CCL17: variants seen among roughly 807,000 people sequenced by gnomAD.
CCL17 encodes the protein C-C motif chemokine 17.
A neutral mutation model predicts 7.4 loss-of-function variants in CCL17; 8 were observed. That is an observed-to-expected ratio of 1.09 (90% CI 0.64 to 1.96). The LOEUF is 1.96. Ranked by LOEUF, CCL17 falls within the 30% of genes most tolerant of loss-of-function variation. The probability of loss-of-function intolerance (pLI) is 0.00; values close to 1 mark genes in which losing one functional copy is unlikely to be tolerated. For missense variants in CCL17, 102 were observed against 113.0 expected, an observed-to-expected ratio of 0.90 and a Z score of 0.44; for synonymous variants, 40 against 46.1, an observed-to-expected ratio of 0.87 and a Z score of 0.54.
chr16:57,409,194 G>C (rs1395203591), intron 1 of CCL17, among the ~76,000 whole-genome samples: 2 of 152,186 alleles, frequency 1.3e-5, no homozygotes, highest in Non-Finnish European at 2.9e-5. Flanking sequence ...GGGACATAGA[G>C]GAAGGAAGGA....
chr16:57,403,704 T>C (rs1428330372), upstream of CCL17, among the ~76,000 whole-genome samples: 1 of 126,024 alleles, frequency 7.9e-6, no homozygotes, highest in Admixed American at 1.1e-4. Flanking sequence ...TTGCCCAGGC[T>C]GGAGTGTAGT....
the CCL17 span, among the ~76,000 whole-genome samples, chr16:57,396,324 T>C: frequency 5.0e-3 from 754 of 152,258 alleles, 10 homozygotes; most frequent in African/African-American, 0.017. Flanking sequence ...ATAAGAAGAA[T>C]ATGCCTTGGC....
At chr16:57,409,809 C>T (rs183628493) in intron 1 of CCL17, among the ~76,000 whole-genome samples, 3 of 152,220 alleles carry the variant, frequency 2.0e-5, no homozygotes, top group Admixed American at 6.5e-5. Context: ...GGGATTGGGG[C>T]CTATTTTGGG....
the CCL17 span, among the ~76,000 whole-genome samples, chr16:57,397,359 C>A: frequency 6.6e-6 from 1 of 152,192 alleles, no homozygotes; most frequent in Non-Finnish European, 1.5e-5. Context: ...CCTCTTCTGT[C>A]GTTAACCATC....
chr16:57,403,529 A>G (rs1902641485), upstream of CCL17, among the ~76,000 whole-genome samples: 1 of 28,756 alleles, frequency 3.5e-5, no homozygotes, highest in Non-Finnish European at 4.9e-5. Context: ...TATATATGTT[A>G]TATATATTAT....
At chr16:57,411,153 C>G (rs1244598722) in intron 1 of CCL17, among the ~76,000 whole-genome samples, 1 of 152,230 alleles carries the variant, frequency 6.6e-6, no homozygotes, top group Admixed American at 6.5e-5. Flanking sequence ...TCCACGAATT[C>G]TGGCCAGAGG....
At chr16:57,404,347 T>C (rs2146532642), upstream of CCL17, among the ~76,000 whole-genome samples, 1 of 152,256 alleles carries the variant, frequency 6.6e-6, no homozygotes, top group South Asian at 2.1e-4. Context: ...AGCCAGGGAT[T>C]GATGCTGGTT....
At chr16:57,407,297 C>G (rs1902710531) in intron 1 of CCL17, among the ~76,000 whole-genome samples, 1 of 152,078 alleles carries the variant, frequency 6.6e-6, no homozygotes, top group African/African-American at 2.4e-5. Context: ...ACAGTTGAAG[C>G]AATATAGGTT....
intron 1 of CCL17, among the ~76,000 whole-genome samples, chr16:57,408,286 T>C (rs1483453770): frequency 2.0e-5 from 3 of 151,466 alleles, no homozygotes; most frequent in Non-Finnish European, 2.9e-5. Context: ...CATTCATCAC[T>C]CACCCACACG....
chr16:57,406,487 C>A (rs1427513842), intron 1 of CCL17, among the ~76,000 whole-genome samples: 1 of 152,148 alleles, frequency 6.6e-6, no homozygotes, highest in Non-Finnish European at 1.5e-5. Flanking sequence ...CTCCCTGAAG[C>A]TGTTGTGAGG....
intron 1 of CCL17, among the ~76,000 whole-genome samples, chr16:57,407,529 C>T (rs1210445281): frequency 6.6e-6 from 1 of 152,174 alleles, no homozygotes; most frequent in Admixed American, 6.5e-5. Context: ...AAGTGACCAT[C>T]CATCTATCCA....
chr16:57,415,068 C>G lies in CCL17; in HGVS notation c.71-13C>G. On this transcript the variant is annotated splice_polypyrimidine_tract_variant and intron_variant, in intron 2 of 3. Transcript: ENST00000219244. This position sits in a 1 kb window ranked among gnomAD's most constrained non-coding sequence, Gnocchi z 4.5. ...CACTCACAGACACCCCTGCCCCGCT[C>G]CTCTCCCTGCAGCTCGAGGGACCAA... is the stretch of plus-strand genomic sequence containing the variant. 4 of 1,582,314 alleles carry G rather than the reference C, an allele frequency of 2.5e-6. No homozygotes were observed. The highest frequency in any genetic ancestry group is 3.5e-6 in the Non-Finnish European group (4 of 1,151,150).
chr16:57,402,759 A>G (rs544352360), upstream of CCL17, among the ~76,000 whole-genome samples: 2 of 152,266 alleles, frequency 1.3e-5, no homozygotes, highest in East Asian at 1.9e-4. Context: ...TAAGAGTGAG[A>G]GTAACAAGAA....
intron 1 of CCL17, among the ~76,000 whole-genome samples, chr16:57,408,018 T>TA (rs1902723944): frequency 6.7e-6 from 1 of 148,656 alleles, no homozygotes; most frequent in African/African-American, 2.5e-5. Flanking sequence ...TCCATCCATC[T>TA]ACCCATCCAT....
chr16:57,414,000 C>T lies in CCL17; in HGVS notation c.68C>T (p.Ala23Val). Residue 23 changes from alanine (A) to valine (V), a missense_variant and splice_region_variant, in exon 2 of 4, where the codon GCA becomes GTA. Coordinates refer to ENST00000219244, the MANE Select transcript of CCL17 (RefSeq NM_002987.3). ...GGGGCTTCTCTGCAGCACATCCACG[C>T]AGGTGAGAGCAGGGGACAGGTGGCC... is the stretch of plus-strand genomic sequence containing the variant. Reference protein sequence around the residue: ...LLGASLQHIHAARGTNVGREC... With the variant: ...LLGASLQHIHVARGTNVGREC... The T allele has an allele frequency of 6.2e-7, 1 of 1,610,540 alleles. No homozygotes were observed. Among genetic ancestry groups the T allele is most frequent in the Non-Finnish European group, 8.5e-7 (1 of 1,178,582 alleles).
chr16:57,404,575 G>A (rs1245180452), upstream of CCL17, among the ~76,000 whole-genome samples: 2 of 152,100 alleles, frequency 1.3e-5, no homozygotes, highest in African/African-American at 4.8e-5. Flanking sequence ...TTGGTATGGC[G>A]AGTAGGCAGC....
chr16:57,402,066 G>A (rs1239475603), upstream of CCL17, among the ~76,000 whole-genome samples: 4 of 152,226 alleles, frequency 2.6e-5, no homozygotes, highest in East Asian at 7.7e-4. Context: ...TCAGGCGAAA[G>A]CCCCACAGTG....
intron 1 of CCL17, among the ~76,000 whole-genome samples, chr16:57,408,529 G>A (rs566397151): frequency 1.3e-5 from 2 of 151,950 alleles, no homozygotes; most frequent in Admixed American, 6.6e-5. Flanking sequence ...CTCCCTACTC[G>A]GCCTCCAGAG....
At chr16:57,404,054 G>C (rs1285093914), upstream of CCL17, among the ~76,000 whole-genome samples, 1 of 152,152 alleles carries the variant, frequency 6.6e-6, no homozygotes, top group Non-Finnish European at 1.5e-5. Flanking sequence ...CCTCAGGAAG[G>C]AGCATGTCTG....
Sources: allele counts gnomAD v4.1 joint callset (sites outside exome capture counted in the v4.1 genomes callset), GRCh38; gene constraint gnomAD v4.1.1; non-coding constraint Gnocchi (gnomAD v3.1); transcripts MANE v1.5; gene names NCBI Gene and HGNC (gene_info 2026-07-23, HGNC 2026-07-21).